The following SLC26A9 variants were observed in gnomAD, a reference collection of about 807,000 sequenced individuals.
The protein encoded by SLC26A9 is solute carrier family 26 member 9, also known as anion transporter/exchanger protein 9.
Under a neutral mutation model 87.1 loss-of-function variants are expected in SLC26A9, and 46 were observed. The ratio of observed to expected loss-of-function variants is 0.53; its 90% CI spans 0.42 to 0.67. The LOEUF is 0.67. SLC26A9 is among the 30% of genes least tolerant of loss of function. The pLI is 0.00. For synonymous variants in SLC26A9, 437 were observed against 409.1 expected, an observed-to-expected ratio of 1.07 and a Z score of -0.82; for missense variants, 927 against 1,018.3, an observed-to-expected ratio of 0.91 and a Z score of 1.22.
intron 2 of SLC26A9, 34 bp from the exon 3 acceptor site, chr1:205,933,118 C>G: frequency 6.2e-7 from 1 of 1,613,874 alleles, no homozygotes; most frequent in Non-Finnish European, 8.5e-7. Flanking sequence ...CCAGTCGGCT[C>G]TGCATGGCTT....
chr1:205,917,334 G>T lies in SLC26A9; in HGVS notation c.2277C>A (p.Leu759=). 1.9e-6 allele frequency: 3 copies of T among 1,613,998 alleles called. No homozygotes were observed. Among genetic ancestry groups the T allele is most frequent in the Non-Finnish European group, 2.5e-6 (3 of 1,179,986 alleles). Residue 759 remains leucine, a synonymous_variant, in exon 20 of 21, where the codon CTC becomes CTA. Transcript: ENST00000367135. ...TGTCCTCCTCTGAGTCGTACAAGGA[G>T]AGCTCAGCATCCCCTGGAGCCTGGA... ...NFQGAPGDAE[L]SLYDSEEDIR...
chr1:205,931,669 G>A (rs1437339424), intron 5 of SLC26A9, among the ~76,000 whole-genome samples, 191 bp downstream of exon 5: 2 of 152,028 alleles, frequency 1.3e-5, no homozygotes, highest in South Asian at 2.1e-4. Flanking sequence ...GTTTCATCAC[G>A]TTGGTCAAGG....
Position 205,923,556 on chromosome 1 carries a change from C to G in SLC26A9, c.1554G>C (p.Lys518Asn). The G allele has an allele frequency of 6.2e-7, 1 of 1,614,168 alleles. No individual in the cohort carries two copies. The highest frequency in any genetic ancestry group is 8.5e-7 in the Non-Finnish European group (1 of 1,180,046). ...VMDTDIYVNP[K>N]TYNRAQDIQG... ...TTGAATTACCTACCCTATTATAGGT[C>G]TTGGGATTCACATAAATGTCAGTGT... Residue 518 changes from lysine (K) to asparagine (N), a missense_variant, in exon 14 of 21, where the codon AAG (lysine) becomes AAC (asparagine). By Grantham distance (94) the Lys-to-Asn change is moderately conservative (BLOSUM62 0). Transcript: ENST00000367135.
At chr1:205,936,408 G>T (rs1181785105) in intron 1 of SLC26A9, among the ~76,000 whole-genome samples, 6 of 152,204 alleles carry the variant, frequency 3.9e-5, no homozygotes, top group African/African-American at 1.2e-4. Flanking sequence ...AATGGTGTGT[G>T]TGGGGAAACC....
At chr1:205,941,136 A>G (rs560314637) in intron 1 of SLC26A9, among the ~76,000 whole-genome samples, 2 of 151,936 alleles carry the variant, frequency 1.3e-5, no homozygotes, top group African/African-American at 4.8e-5. Flanking sequence ...AGGCCTCTGC[A>G]CCCCTAAGGC....
chr1:205,929,082 G>A lies in SLC26A9; in HGVS notation c.870+122C>T, dbSNP rs1279454522. 5 of 1,489,088 alleles carry A rather than the reference G, an allele frequency of 3.4e-6. No homozygotes were observed. The African/African-American group carries it at 7.0e-5, about 21-fold the overall frequency. The allele number at this position is 1,489,088 out of a possible 1,614,324, so 92.2% of individuals were successfully genotyped here. ...AACGCCACATACGGGGGATGGGATG[G>A]ATTCACAACTGACTTCCTGTCCCAC... is the stretch of plus-strand genomic sequence containing the variant. On this transcript the variant is annotated intron_variant, in intron 7 of 20. Transcript: ENST00000367135.
At chr1:205,928,983 C>G (rs1025884254) in intron 7 of SLC26A9, 74 bp from the exon 8 acceptor site, 42 of 1,570,960 alleles carry the variant, frequency 2.7e-5, no homozygotes, top group Non-Finnish European at 3.6e-5. Flanking sequence ...TCAAGTCTCC[C>G]TTTTCTCTGG....
chr1:205,927,810 C>T, intron 9 of SLC26A9, 92 bp downstream of exon 9: 1 of 1,557,886 alleles, frequency 6.4e-7, no homozygotes, highest in Admixed American at 1.8e-5. Context: ...GCCTGCCTCA[C>T]CTCAGCCCAA....
At position 205,920,149 on chromosome 1, in the gene SLC26A9, A is replaced by G. The variant is rs201257353; in HGVS notation, c.2110+27T>C. 162 of 1,613,384 alleles carry G rather than the reference A, an allele frequency of 1.0e-4. 1 individual carries two copies. The African/African-American group carries it at 1.7e-3, about 17-fold the overall frequency. On this transcript the variant is annotated intron_variant, in intron 18 of 20. Coordinates refer to ENST00000367135, the MANE Select transcript of SLC26A9 (RefSeq NM_052934.4). ...ACCCCACACTCCTTGCCAGTCTTTC[A>G]GTCCCTAAATGTCCTCTTTCTCTTA...
chr1:205,942,957 C>A (rs781391551), intron 1 of SLC26A9, among the ~76,000 whole-genome samples: 3 of 152,164 alleles, frequency 2.0e-5, no homozygotes, highest in African/African-American at 2.4e-5. Flanking sequence ...GCTGGTGAGT[C>A]AAGCATTAAG....
At chr1:205,937,525 G>A (rs897447099) in intron 1 of SLC26A9, among the ~76,000 whole-genome samples, 4 of 152,296 alleles carry the variant, frequency 2.6e-5, no homozygotes, top group East Asian at 3.9e-4. Context: ...AATAACAGTC[G>A]CAGGCAGATG....
chr1:205,924,749 CTAT>C, intron 12 of SLC26A9: 1 of 423,882 alleles, frequency 2.4e-6, no homozygotes, highest in Non-Finnish European at 4.3e-6. Context: ...GAGGTGGCAT[CTAT>C]AAGAGCATGC....
At position 205,928,013 on chromosome 1, in the gene SLC26A9, C is replaced by A; in HGVS notation, c.990G>T (p.Trp330Cys). Residue 330 changes from tryptophan (W) to cysteine (C), a missense_variant, in exon 9 of 21, where the codon TGG (tryptophan) becomes TGT (cysteine). By Grantham distance (215) the Trp-to-Cys change is radical. Coordinates refer to ENST00000367135, the MANE Select transcript of SLC26A9 (RefSeq NM_052934.4). The stretch of plus-strand genomic sequence containing the variant: ...AGAAGGCTGTGCCTATCATGTCCTT[C>A]CACTGTGAGACCACAGGCGACACCG... ...PTPVSPVVSQ[W>C]KDMIGTAFSL... 6.2e-7 allele frequency: 1 copy of A among 1,614,148 alleles called. No individual in the cohort carries two copies. Among genetic ancestry groups the A allele is most frequent in the Middle Eastern group, 1.7e-4 (1 of 6,058 alleles).
Position 205,923,325 on chromosome 1 carries a change from T to C in SLC26A9, c.1659+10A>G. 2.5e-6 allele frequency: 4 copies of C among 1,613,964 alleles called. No individual in the cohort carries two copies. The highest frequency in any genetic ancestry group is 3.4e-6 in the Non-Finnish European group (4 of 1,179,862). ...TCCAGAGCCTCTGGTCGCCAGGGAC[T>C]GAGCCTTACCTTGGCGATGACCTTT... On this transcript the variant is annotated intron_variant, in intron 15 of 20. Transcript: ENST00000367135.
intron 17 of SLC26A9, 39 bp downstream of exon 17, chr1:205,921,527 G>T: frequency 6.3e-7 from 1 of 1,586,278 alleles, no homozygotes. Context: ...GAGCGGAGGG[G>T]GTGGAGTGGG....
chr1:205,919,048 G>T, intron 18 of SLC26A9, 63 bp from the exon 19 acceptor site: 1 of 1,597,998 alleles, frequency 6.3e-7, no homozygotes, highest in South Asian at 1.1e-5. Flanking sequence ...GCTGGGGGTG[G>T]GGAAGATAGT....
Position 205,923,623 on chromosome 1 carries a change from G to A in SLC26A9, c.1497-10C>T. 5 of 1,614,182 alleles carry A rather than the reference G, an allele frequency of 3.1e-6. No homozygotes were observed. Among genetic ancestry groups the A allele is most frequent in the Non-Finnish European group, 4.2e-6 (5 of 1,180,024 alleles). ...TGCATAGCCATTTCGACTGGATGAA[G>A]CAGGAAGAGAAAAACATAAGAGAAT... On this transcript the variant is annotated splice_polypyrimidine_tract_variant and intron_variant, in intron 13 of 20. Coordinates refer to ENST00000367135, the MANE Select transcript of SLC26A9 (RefSeq NM_052934.4).
chr1:205,932,233 A>G (rs980626198), intron 4 of SLC26A9, among the ~76,000 whole-genome samples, 198 bp from the exon 5 acceptor site: 14 of 152,254 alleles, frequency 9.2e-5, no homozygotes, highest in African/African-American at 3.4e-4. Flanking sequence ...CCAATGGTCA[A>G]TATTGTCATA....
Position 205,930,050 on chromosome 1 carries a change from G to A in SLC26A9, c.559C>T (p.Leu187=), listed in dbSNP as rs995388822. 1 of 1,600,758 alleles carries A rather than the reference G, an allele frequency of 6.2e-7. No homozygotes were observed. Among genetic ancestry groups the A allele is most frequent in the African/African-American group, 1.3e-5 (1 of 74,676 alleles). The part of the protein sequence containing the change: ...ACLTAIIQMG[L]GFMQFGFVAI... ...ACAAAGCCAAACTGCATGAAGCCCAGACCCATCTGAGAGGAGGAAAAGGGT... is the reference window on the plus strand; with the variant it reads ...ACAAAGCCAAACTGCATGAAGCCCAAACCCATCTGAGAGGAGGAAAAGGGT... Residue 187 remains leucine (L), a synonymous_variant, in exon 6 of 21, where the codon CTG becomes TTG. Coordinates refer to ENST00000367135, the MANE Select transcript of SLC26A9 (RefSeq NM_052934.4).
Sources: gnomAD v4.1 joint callset for allele counts (sites outside exome capture counted in the v4.1 genomes callset) on GRCh38, gnomAD v4.1.1 for gene constraint, MANE v1.5 for transcripts, NCBI Gene and HGNC (gene_info 2026-07-23, HGNC 2026-07-21) for gene names.